Variants in DNAI3 observed in about 807,000 individuals in gnomAD.
DNAI3 encodes dynein axonemal intermediate chain 3, also known as WD repeat domain 63.
DNAI3 carries 83 observed loss-of-function variants against 115.5 expected under a neutral mutation model. That is an observed-to-expected ratio of 0.72 (90% CI 0.60 to 0.86). The LOEUF is 0.86. DNAI3 is among the 40% of genes least tolerant of loss of function. DNAI3 has a pLI of 0.00. For synonymous variants in DNAI3, 320 were observed against 347.0 expected (o/e 0.92, Z 0.86); for missense variants, 1,004 against 1,075.8 (o/e 0.93, Z 0.93).
At chr1:85,104,736 T>C in intron 14 of DNAI3, 139 bp downstream of exon 14, 1 of 714,826 alleles carries the variant, frequency 1.4e-6, no homozygotes, top group Non-Finnish European at 2.3e-6. Context: ...AAGAATGTTA[T>C]GGATTGTTGC....
intron 17 of DNAI3, among the ~76,000 whole-genome samples, chr1:85,120,890 A>T (rs763560585): frequency 6.6e-6 from 1 of 152,218 alleles, no homozygotes; most frequent in Non-Finnish European, 1.5e-5. Context: ...CCTTGTCCCC[A>T]GTGAGTTTAT....
In DNAI3 at chr1:85,128,757, A is replaced by G. The variant is rs1342401285; in HGVS notation, c.2367A>G (p.Ile789Met). ...ATADYYGTLH[I>M]LEIPWTLSRP... Reference sequence around the variant, plus strand: ...CTGATTATTATGGAACACTGCATATATTAGAAATTCCTTGGACATTAAGTC... The same window carrying G: ...CTGATTATTATGGAACACTGCATATGTTAGAAATTCCTTGGACATTAAGTC... Residue 789 changes from isoleucine to methionine, a missense_variant, in exon 21 of 23, where the codon ATA (isoleucine) becomes ATG (methionine). Around this residue, in one of 3 missense-constraint regions of DNAI3, gnomAD observed 429 missense variants for 454.3 expected, o/e 0.94. Coordinates refer to ENST00000294664, the MANE Select transcript of DNAI3 (RefSeq NM_145172.5). 1 of 1,612,928 alleles carries G rather than the reference A, an allele frequency of 6.2e-7. No homozygotes were observed. The highest frequency in any genetic ancestry group is 2.2e-5 in the East Asian group (1 of 44,870).
intron 18 of DNAI3, 137 bp from the exon 19 acceptor site, chr1:85,123,984 C>A: frequency 9.5e-7 from 1 of 1,055,486 alleles, no homozygotes; most frequent in Non-Finnish European, 1.4e-6. Context: ...ATCTATTCAT[C>A]CCAGCTAGCC....
At chr1:85,103,979 C>T (rs974937671) in intron 13 of DNAI3, among the ~76,000 whole-genome samples, 4 of 149,944 alleles carry the variant, frequency 2.7e-5, no homozygotes, top group African/African-American at 9.7e-5. Flanking sequence ...AGGGAAAAAT[C>T]TCAGTATAAA....
At chr1:85,113,174 TG>T (rs1208555001) in intron 16 of DNAI3, among the ~76,000 whole-genome samples, 1 of 152,258 alleles carries the variant, frequency 6.6e-6, no homozygotes, top group Non-Finnish European at 1.5e-5. Context: ...TCTCCTAGTC[TG>T]TGATTTGTTG....
Position 85,090,219 on chromosome 1 carries a change from A to G in DNAI3, c.844A>G (p.Asn282Asp). Reference protein sequence around the residue: ...QSKPLVDFLNNASISVEIALQ... With the variant: ...QSKPLVDFLNDASISVEIALQ... ...AAAGCCTTTGGTTGATTTTCTTAAC[A>G]ATGCATCCATAAGGTAAAAAATTGC... Residue 282 changes from asparagine to aspartate, a missense_variant, in exon 8 of 23, where the codon AAT becomes GAT. Physicochemically the swap from Asn to Asp is conservative, Grantham distance 23 (BLOSUM62 1). Coordinates refer to ENST00000294664, the MANE Select transcript of DNAI3 (RefSeq NM_145172.5). The G allele has an allele frequency of 6.4e-7, 1 of 1,561,716 alleles. No individual in the cohort carries two copies. Among genetic ancestry groups the G allele is most frequent in the Non-Finnish European group, 8.7e-7 (1 of 1,155,350 alleles).
intron 3 of DNAI3, among the ~76,000 whole-genome samples, chr1:85,077,987 G>C (rs1018627032): frequency 3.3e-5 from 5 of 151,950 alleles, no homozygotes; most frequent in Non-Finnish European, 7.4e-5. Flanking sequence ...GCCTTCTATT[G>C]TGTGCACATA....
intron 8 of DNAI3, among the ~76,000 whole-genome samples, chr1:85,090,660 A>G (rs1430452870): frequency 2.6e-5 from 4 of 152,182 alleles, no homozygotes; most frequent in Non-Finnish European, 4.4e-5. Flanking sequence ...ATTTAATTCA[A>G]ATGTCTTTTT....
At chr1:85,109,043 C>T (rs1050790189) in intron 15 of DNAI3, among the ~76,000 whole-genome samples, 4 of 152,132 alleles carry the variant, frequency 2.6e-5, no homozygotes, top group African/African-American at 4.8e-5. Context: ...TCCTTCTGTA[C>T]GTTTTTTGGG....
intron 3 of DNAI3, among the ~76,000 whole-genome samples, 192 bp downstream of exon 3, chr1:85,073,284 A>G (rs1046198287): frequency 6.6e-6 from 1 of 152,232 alleles, no homozygotes; most frequent in Non-Finnish European, 1.5e-5. Context: ...TTTCAAACTG[A>G]GAAATAAACT....
At chr1:85,126,779 A>C in intron 20 of DNAI3, 64 bp downstream of exon 20, 2 of 1,566,188 alleles carry the variant, frequency 1.3e-6, no homozygotes, top group Non-Finnish European at 1.8e-6. Context: ...CTTGACATTC[A>C]TCTGAAAAGC....
At position 85,132,954 on chromosome 1, in the gene DNAI3, C is replaced by G. The variant is rs748481423; in HGVS notation, c.2632C>G (p.Leu878Val). The change falls in exon 23 of 23, where the codon CTA becomes GTA. Residue 878 changes from leucine to valine, a missense_variant. Coordinates refer to ENST00000294664, the MANE Select transcript of DNAI3 (RefSeq NM_145172.5). ...AAAGACTGTTCTTATCAACCTTGGC[C>G]TAATCAAAGTCACAGAGAAGGGGTC... is the stretch of plus-strand genomic sequence containing the variant. ...LEKTVLINLG[L>V]IKVTEKGSYM... 15 of 1,613,692 alleles carry G rather than the reference C, an allele frequency of 9.3e-6. No homozygotes were observed. The highest frequency in any genetic ancestry group is 9.3e-6 in the Non-Finnish European group (11 of 1,179,916).
At position 85,086,042 on chromosome 1, in the gene DNAI3, A is replaced by T. The variant is rs370752878; in HGVS notation, c.740+12A>T. The stretch of plus-strand genomic sequence containing the variant: ...ACTCAGACAAAATGGTAAGTATGTG[A>T]TGGGTGTATGTAATTTTATAGCCAG... On this transcript the variant is annotated intron_variant, in intron 7 of 22. Transcript: ENST00000294664. 2.0e-5 allele frequency: 32 copies of T among 1,611,376 alleles called. No individual in the cohort carries two copies. The highest frequency in any genetic ancestry group is 5.0e-5 in the Admixed American group (3 of 59,700).
Position 85,094,290 on chromosome 1 carries a change from G to A in DNAI3, c.1049-141G>A, listed in dbSNP as rs1226461172. 6.9e-6 allele frequency: 8 copies of A among 1,154,936 alleles called. No individual in the cohort carries two copies. The East Asian group carries it at 1.9e-4, about 27-fold the overall frequency. The allele number at this position is 1,154,936 out of a possible 1,614,324, so 71.5% of individuals were successfully genotyped here. ...CATGTAACTAGTGGCAACCACATTA[G>A]CCAGCAGAGCTCTAAGAAAACTCTT... On this transcript the variant is annotated intron_variant, in intron 9 of 22. Transcript: ENST00000294664.
rs1409802552 is a variant in DNAI3, at chr1:85,084,601, T to G, written c.446T>G (p.Val149Gly). Residue 149 changes from valine (V) to glycine (G), a missense_variant, in exon 6 of 23, where the codon GTG (valine) becomes GGG (glycine). By Grantham distance (109) the Val-to-Gly change is moderately radical (BLOSUM62 -3). This residue lies in a region of DNAI3 where 550 missense variants were observed against 568.1 expected (regional missense o/e 0.97). Transcript: ENST00000294664. The part of the protein sequence containing the change: ...EEYKEHIPED[V>G]YIYKPPVSKP... The stretch of plus-strand genomic sequence containing the variant: ...TATAAAGAACATATTCCTGAAGATG[T>G]GTATATTTATAAACCACCTGTCTCT... 6.4e-7 allele frequency: 1 copy of G among 1,567,052 alleles called. No homozygotes were observed. Among genetic ancestry groups the G allele is most frequent in the Non-Finnish European group, 8.6e-7 (1 of 1,158,592 alleles).
At position 85,082,526 on chromosome 1, in the gene DNAI3, C is replaced by A. The variant is rs190537314; in HGVS notation, c.390+122C>A. On this transcript the variant is annotated intron_variant, in intron 5 of 22. Transcript: ENST00000294664. Reference sequence around the variant, plus strand: ...AGTGGCACAATCATGGTCACTGCAACGTCAATCTCCCAGGCCCAAGTGATC... The same window carrying A: ...AGTGGCACAATCATGGTCACTGCAAAGTCAATCTCCCAGGCCCAAGTGATC... 1.2e-5 allele frequency: 9 copies of A among 726,060 alleles called. No individual in the cohort carries two copies. In the African/African-American group the frequency reaches 1.5e-4, roughly 12 times the overall value. 45.0% of individuals were successfully genotyped at this position (726,060 alleles called of 1,614,324 possible). A position where few individuals can be genotyped will look rare whatever the true frequency, so the allele number is the denominator to read the frequency against.
chr1:85,113,216 GAA>G (rs1655709419), intron 16 of DNAI3, among the ~76,000 whole-genome samples: 1 of 152,164 alleles, frequency 6.6e-6, no homozygotes, highest in Non-Finnish European at 1.5e-5. Context: ...TTGAAAATCA[GAA>G]GTTTTTAATT....
At position 85,087,622 on chromosome 1, in the gene DNAI3, T is replaced by G. The variant is rs143337700; in HGVS notation, c.740+1592T>G. On this transcript the variant is annotated intron_variant, in intron 7 of 22. Transcript: ENST00000294664. ...TATGAGATAAAAACTTTGTATATTT[T>G]GTTTACTGCTATGTTCCCAACTCCT... is the stretch of plus-strand genomic sequence containing the variant. Among the ~76,000 whole-genome samples the G allele has an allele frequency of 5.7e-4, 87 of 152,234 alleles. No homozygotes were observed. In the East Asian group the frequency reaches 0.014, roughly 25 times the overall value.
intron 13 of DNAI3, among the ~76,000 whole-genome samples, chr1:85,103,106 T>C (rs1655374714): frequency 6.6e-6 from 1 of 152,156 alleles, no homozygotes; most frequent in Non-Finnish European, 1.5e-5. Context: ...CACCTATACC[T>C]TCCCCACCCC....
Sources: allele counts gnomAD v4.1 joint callset (sites outside exome capture counted in the v4.1 genomes callset), GRCh38; gene constraint gnomAD v4.1.1; regional missense constraint gnomAD v4.1.1; transcripts MANE v1.5; gene names NCBI Gene and HGNC (gene_info 2026-07-23, HGNC 2026-07-21).